Variants in WDR49 observed in about 807,000 individuals in gnomAD.
The protein encoded by WDR49 is cilia- and flagella-associated protein 337.
In WDR49, 107 loss-of-function variants were observed where a neutral mutation model predicts 119.5. The observed-to-expected ratio is 0.90, with a 90% confidence interval of 0.77 to 1.05. The LOEUF (loss-of-function observed/expected upper bound fraction) is 1.05, where lower values mean the gene tolerates loss of function less well. WDR49 is among the 50% of genes least tolerant of loss of function. The pLI is 0.00. For missense variants in WDR49, 1,240 were observed against 1,220.5 expected (o/e 1.02, Z -0.24); for synonymous variants, 425 against 418.8 (o/e 1.01, Z -0.18).
chr3:167,486,160 G>A (rs1750909465), intron 18 of WDR49, among the ~76,000 whole-genome samples: 1 of 151,996 alleles, frequency 6.6e-6, no homozygotes, highest in South Asian at 2.1e-4. Flanking sequence ...AGATTCATAA[G>A]TGAAAGATAA....
intron 16 of WDR49, among the ~76,000 whole-genome samples, chr3:167,515,855 G>A (rs1420938135): frequency 1.1e-4 from 16 of 152,136 alleles, no homozygotes; most frequent in African/African-American, 3.9e-4. Context: ...TAAGCAGAGG[G>A]CCAAATCATA....
In WDR49 at chr3:167,554,692, C is replaced by A; in HGVS notation, c.1781G>T (p.Gly594Val). ...TGAGGCATAATCATACCTCTCCCAG[C>A]CTGTAACCAGTATTTTCTTCTTAAG... Reference protein sequence around the residue: ...LILKKKILVTGWERYDYASWK... With the variant: ...LILKKKILVTVWERYDYASWK... The change falls in exon 10 of 19, where the codon GGC becomes GTC. Residue 594 changes from glycine to valine, a missense_variant. Coordinates refer to ENST00000682715, the MANE Select transcript of WDR49 (RefSeq NM_001366157.1). 1 of 1,611,960 alleles carries A rather than the reference C, an allele frequency of 6.2e-7. No individual in the cohort carries two copies. The highest frequency in any genetic ancestry group is 1.1e-5 in the South Asian group (1 of 90,810).
chr3:167,512,325 T>C (rs1752007148), intron 16 of WDR49, among the ~76,000 whole-genome samples: 2 of 152,128 alleles, frequency 1.3e-5, no homozygotes, highest in East Asian at 1.9e-4. Flanking sequence ...CCCAGGTAAA[T>C]AGAGCCTAGA....
At chr3:167,538,597 T>C (rs1331956401) in intron 10 of WDR49, among the ~76,000 whole-genome samples, 1 of 152,026 alleles carries the variant, frequency 6.6e-6, no homozygotes, top group Non-Finnish European at 1.5e-5. Context: ...TCTGGGGCAT[T>C]TTCATTTATT....
intron 9 of WDR49, among the ~76,000 whole-genome samples, chr3:167,556,518 T>C (rs1712936665): frequency 1.3e-5 from 2 of 152,228 alleles, no homozygotes; most frequent in Non-Finnish European, 2.9e-5. Context: ...ATTAGATTAG[T>C]AGCAGTTAAA....
chr3:167,547,807 A>G (rs1205976925), intron 10 of WDR49, among the ~76,000 whole-genome samples: 2 of 152,018 alleles, frequency 1.3e-5, no homozygotes. Context: ...AAATGAAAAG[A>G]AACTTCAGTT....
At chr3:167,509,726 T>C (rs567266508) in intron 16 of WDR49, among the ~76,000 whole-genome samples, 12 of 152,292 alleles carry the variant, frequency 7.9e-5, no homozygotes, top group African/African-American at 2.2e-4. Flanking sequence ...CAATAAGATA[T>C]TCTAATATGT....
At chr3:167,548,958 T>C (rs1443771298) in intron 10 of WDR49, among the ~76,000 whole-genome samples, 2 of 152,116 alleles carry the variant, frequency 1.3e-5, no homozygotes, top group Non-Finnish European at 2.9e-5. Flanking sequence ...TTTTCCGTCC[T>C]TGCAATAGTT....
Position 167,531,150 on chromosome 3 carries a change from CAA to C in WDR49, c.2181_2182del (p.Cys728LeufsTer3), listed in dbSNP as rs1560271213. 4 of 1,612,094 alleles carry C rather than the reference CAA, an allele frequency of 2.5e-6. No individual in the cohort carries two copies. Among genetic ancestry groups the C allele is most frequent in the African/African-American group, 1.3e-5 (1 of 74,874 alleles). On this transcript the variant is annotated frameshift_variant, in exon 13 of 19. Coordinates refer to ENST00000682715, the MANE Select transcript of WDR49 (RefSeq NM_001366157.1). LOFTEE classifies it high-confidence loss of function. ...AGTGTTTTTTCTTGCTTTAAGAAAG[CAA>C]AGTCTCATAACAGCATTTTTGCCCT...
At chr3:167,620,383 A>G in intron 5 of WDR49, 46 bp downstream of exon 5, 2 of 1,462,810 alleles carry the variant, frequency 1.4e-6, no homozygotes, top group Non-Finnish European at 1.8e-6. Context: ...ATAAATGTAC[A>G]AGTCAGAGGT....
chr3:167,611,290 A>G (rs1479990674), intron 5 of WDR49, among the ~76,000 whole-genome samples: 1 of 152,198 alleles, frequency 6.6e-6, no homozygotes, highest in Admixed American at 6.5e-5. Flanking sequence ...GGGTTATAAG[A>G]TAGTATTTGC....
At chr3:167,528,988 A>C in intron 14 of WDR49, 64 bp downstream of exon 14, 1 of 1,349,880 alleles carries the variant, frequency 7.4e-7, no homozygotes. Context: ...CTTGATTCAT[A>C]GTTACCTGCA....
intron 8 of WDR49, among the ~76,000 whole-genome samples, chr3:167,563,317 G>A (rs1031668156): frequency 9.0e-5 from 12 of 133,842 alleles, no homozygotes; most frequent in Non-Finnish European, 1.8e-4. Context: ...TAGCGCCACC[G>A]CACTCCAGCC....
intron 8 of WDR49, among the ~76,000 whole-genome samples, chr3:167,573,403 C>T (rs974879367): frequency 5.4e-5 from 8 of 148,372 alleles, no homozygotes; most frequent in African/African-American, 2.1e-4. Context: ...CACACACACA[C>T]ACACACACAC....
At chr3:167,620,627 A>G (rs1012076244) in intron 4 of WDR49, 24 bp from the exon 5 acceptor site, 10 of 1,518,162 alleles carry the variant, frequency 6.6e-6, no homozygotes, top group South Asian at 4.9e-5. Flanking sequence ...TTGAAAGAAC[A>G]ACAATCGTGG....
In WDR49 at chr3:167,478,975, T is replaced by G. The variant is rs1750588369; in HGVS notation, c.3053A>C (p.Glu1018Ala). Residue 1018 changes from glutamate (E) to alanine (A), a missense_variant, in exon 19 of 19, where the codon GAG (glutamate) becomes GCG (alanine). Coordinates refer to ENST00000682715, the MANE Select transcript of WDR49 (RefSeq NM_001366157.1). ...AATTTCCTTGGGAAACAGGTTTTTC[T>G]CATCAAATACAGCTTTCAAAGCTAC... ...LFKTLKAVFD[E>A]KNLFPKEILH... is the part of the protein sequence containing the mutation. The G allele has an allele frequency of 6.2e-6, 10 of 1,608,502 alleles. No individual in the cohort carries two copies. The highest frequency in any genetic ancestry group is 8.5e-6 in the Non-Finnish European group (10 of 1,178,292).
chr3:167,575,378 G>C (rs181450116), intron 8 of WDR49: 6 of 770,736 alleles, frequency 7.8e-6, no homozygotes, highest in Admixed American at 1.2e-4. Flanking sequence ...GCTGCGGAGC[G>C]TCATTAAACT....
At chr3:167,584,874 G>T (rs1008378164) in intron 7 of WDR49, among the ~76,000 whole-genome samples, 5 of 152,014 alleles carry the variant, frequency 3.3e-5, no homozygotes, top group African/African-American at 1.2e-4. Flanking sequence ...TTGTGTCTAG[G>T]TTAGAGCCAT....
At chr3:167,488,525 T>C (rs977141795) in intron 18 of WDR49, among the ~76,000 whole-genome samples, 1 of 152,050 alleles carries the variant, frequency 6.6e-6, no homozygotes, top group Non-Finnish European at 1.5e-5. Flanking sequence ...CTGAAATTTT[T>C]AAAAAGTAAA....
Sources: gnomAD v4.1 joint callset for allele counts (sites outside exome capture counted in the v4.1 genomes callset) on GRCh38, gnomAD v4.1.1 for gene constraint, MANE v1.5 for transcripts, NCBI Gene and HGNC (gene_info 2026-07-23, HGNC 2026-07-21) for gene names.